RPN2: variants seen among roughly 807,000 people sequenced by gnomAD.
The protein encoded by RPN2 is dolichyl-diphosphooligosaccharide--protein glycosyltransferase subunit 2.
RPN2 carries 29 observed loss-of-function variants against 71.4 expected under a neutral mutation model. The ratio of observed to expected loss-of-function variants is 0.41; its 90% CI spans 0.30 to 0.55. The LOEUF (loss-of-function observed/expected upper bound fraction) is 0.55, where lower values mean the gene tolerates loss of function less well. RPN2 is among the 20% of genes least tolerant of loss of function. RPN2 has a pLI of 0.35. For missense variants in RPN2, 726 were observed against 774.1 expected, an observed-to-expected ratio of 0.94 and a Z score of 0.74; for synonymous variants, 308 against 305.0, an observed-to-expected ratio of 1.01 and a Z score of -0.10.
chr20:37,204,898 G>A lies in RPN2; in HGVS notation c.687G>A (p.Lys229=), dbSNP rs2067477637. ...ATGTGGGGACTGAGCCATCCATTAA[G>A]GAGGTACCTATCTAACAATTTTCAG... The part of the protein sequence containing the change: ...MDHVGTEPSI[K]EDQVIQLMNA... Residue 229 remains lysine, a synonymous_variant, in exon 6 of 17, where the codon AAG becomes AAA. Coordinates refer to ENST00000237530, the MANE Select transcript of RPN2 (RefSeq NM_002951.5). The A allele has an allele frequency of 6.2e-7, 1 of 1,614,186 alleles. No individual in the cohort carries two copies. The highest frequency in any genetic ancestry group is 2.2e-5 in the East Asian group (1 of 44,882).
In RPN2 at chr20:37,199,047, T is replaced by C. The variant is rs756902264; in HGVS notation, c.304-3T>C. On this transcript the variant is annotated splice_polypyrimidine_tract_variant and splice_region_variant and intron_variant, in intron 3 of 16. Transcript: ENST00000237530. ...AACTCTGTGTCTGCCAATTCTTTCT[T>C]AGATCTCTATTTCAAATGAGACCAA... 5.0e-6 allele frequency: 8 copies of C among 1,611,882 alleles called. No homozygotes were observed. The highest frequency in any genetic ancestry group is 6.8e-6 in the Non-Finnish European group (8 of 1,178,158).
chr20:37,204,695 G>A, intron 5 of RPN2, 72 bp from the exon 6 acceptor site: 2 of 1,534,182 alleles, frequency 1.3e-6, no homozygotes, highest in Non-Finnish European at 1.8e-6. Flanking sequence ...CTGCAGTGGG[G>A]TTGACAGTGG....
chr20:37,241,232 T>C (rs1431447972), intron 16 of RPN2, 71 bp from the exon 17 acceptor site: 10 of 1,575,876 alleles, frequency 6.3e-6, no homozygotes, highest in Non-Finnish European at 8.7e-6. Context: ...CTCTCTGTTG[T>C]CACCAGTTAG....
intron 2 of RPN2, among the ~76,000 whole-genome samples, chr20:37,186,714 A>G (rs1468912383): frequency 6.6e-6 from 1 of 152,228 alleles, no homozygotes; most frequent in African/African-American, 2.4e-5. Flanking sequence ...ATCAGGATCT[A>G]AAGAAGGTCT....
chr20:37,212,345 T>A (rs2067693727), intron 8 of RPN2, among the ~76,000 whole-genome samples: 1 of 152,076 alleles, frequency 6.6e-6, no homozygotes, highest in African/African-American at 2.4e-5. Context: ...TCCAGCTACT[T>A]GGAGGTTGAG....
chr20:37,222,012 T>C (rs929810504), intron 9 of RPN2, among the ~76,000 whole-genome samples: 2 of 152,264 alleles, frequency 1.3e-5, no homozygotes, highest in African/African-American at 4.8e-5. Context: ...TCTCAGCAGG[T>C]GTCAAATCAA....
chr20:37,235,152 G>A (rs1462006309), intron 15 of RPN2, among the ~76,000 whole-genome samples: 1 of 152,124 alleles, frequency 6.6e-6, no homozygotes, highest in African/African-American at 2.4e-5. Context: ...TTATGGTGCA[G>A]TGGTCCGTGA....
intron 1 of RPN2, among the ~76,000 whole-genome samples, chr20:37,183,743 A>C (rs1413660278): frequency 6.6e-6 from 1 of 152,220 alleles, no homozygotes; most frequent in Non-Finnish European, 1.5e-5. Context: ...AGTAAAAATT[A>C]AGCCAAGTTG....
intron 2 of RPN2, among the ~76,000 whole-genome samples, chr20:37,193,381 C>G (rs932962941): frequency 6.6e-6 from 1 of 151,880 alleles, no homozygotes. Context: ...ACAGCCTGTG[C>G]GGAGGATAGA....
intron 2 of RPN2, among the ~76,000 whole-genome samples, chr20:37,196,062 CTT>C (rs879480772): frequency 2.1e-5 from 3 of 145,976 alleles, no homozygotes; most frequent in African/African-American, 5.0e-5. Context: ...GCACCCCGCG[CTT>C]TTTTTTTTTG....
At chr20:37,190,134 C>T (rs770368336) in intron 2 of RPN2, among the ~76,000 whole-genome samples, 24 of 152,098 alleles carry the variant, frequency 1.6e-4, no homozygotes, top group Non-Finnish European at 2.8e-4. Flanking sequence ...TAGGGGGTCA[C>T]GGAGGAATGA....
At chr20:37,225,551 C>T (rs898397827) in intron 10 of RPN2, 137 bp from the exon 11 acceptor site, 1 of 716,794 alleles carries the variant, frequency 1.4e-6, no homozygotes, top group East Asian at 2.7e-5. Context: ...AGACAGTTCT[C>T]CACATCTGTC....
chr20:37,201,666 A>G (rs2067394381), intron 4 of RPN2, among the ~76,000 whole-genome samples: 1 of 152,184 alleles, frequency 6.6e-6, no homozygotes, highest in South Asian at 2.1e-4. Flanking sequence ...CCTAAACCTC[A>G]GTGTTCTCAT....
At chr20:37,195,226 C>T (rs1165147229) in intron 2 of RPN2, among the ~76,000 whole-genome samples, 1 of 152,196 alleles carries the variant, frequency 6.6e-6, no homozygotes, top group African/African-American at 2.4e-5. Context: ...GGTGGGCTCA[C>T]TGAGCAGGCT....
chr20:37,197,810 C>T (rs2067286484), intron 2 of RPN2, among the ~76,000 whole-genome samples: 1 of 152,100 alleles, frequency 6.6e-6, no homozygotes, highest in African/African-American at 2.4e-5. Flanking sequence ...GTTACCCAGG[C>T]TGGTCTCAAC....
chr20:37,229,910 A>G (rs2068191970), intron 12 of RPN2, 63 bp from the exon 13 acceptor site: 10 of 1,196,354 alleles, frequency 8.4e-6, no homozygotes, highest in Non-Finnish European at 1.3e-5. Context: ...AGAGAATATT[A>G]TCTATTGAGT....
rs777037498 is a variant in RPN2, at chr20:37,207,427, C to G, written c.845C>G (p.Thr282Ser). ...GTGCCTGAGGGCTCTGCTTCCGACA[C>G]TCATGAACAGGCTATCTTGCGGGTA... The part of the protein sequence containing the change: ...VVVPEGSASD[T>S]HEQAILRLQV... Residue 282 changes from threonine (T) to serine (S), a missense_variant, in exon 7 of 17, where the codon ACT becomes AGT. By Grantham distance (58) the Thr-to-Ser change is moderately conservative. Coordinates refer to ENST00000237530, the MANE Select transcript of RPN2 (RefSeq NM_002951.5). 1 of 1,614,192 alleles carries G rather than the reference C, an allele frequency of 6.2e-7. No individual in the cohort carries two copies. The highest frequency in any genetic ancestry group is 2.2e-5 in the East Asian group (1 of 44,880).
At chr20:37,226,419 C>T (rs1486869434) in intron 11 of RPN2, among the ~76,000 whole-genome samples, 1 of 152,110 alleles carries the variant, frequency 6.6e-6, no homozygotes, top group Non-Finnish European at 1.5e-5. Context: ...GGCATGGTGG[C>T]TCACGCCTGT....
At chr20:37,228,852 C>G in intron 12 of RPN2, 108 bp downstream of exon 12, 1 of 1,022,954 alleles carries the variant, frequency 9.8e-7, no homozygotes. Flanking sequence ...GCCTGTGCCT[C>G]CTATAAATAA....
Sources: gnomAD v4.1 joint callset for allele counts (sites outside exome capture counted in the v4.1 genomes callset) on GRCh38, gnomAD v4.1.1 for gene constraint, MANE v1.5 for transcripts, NCBI Gene and HGNC (gene_info 2026-07-23, HGNC 2026-07-21) for gene names.